Variants in CPED1 observed in about 807,000 individuals in gnomAD.
The protein encoded by CPED1 is cadherin like and PC-esterase domain containing 1.
CPED1 carries 114 observed loss-of-function variants against 128.2 expected under a neutral mutation model. The observed-to-expected ratio is 0.89, with a 90% CI of 0.76 to 1.04. CPED1 has a LOEUF of 1.04. CPED1 is among the 50% of genes least tolerant of loss of function. The probability of loss-of-function intolerance (pLI) is 0.00; values close to 1 mark genes in which losing one functional copy is unlikely to be tolerated. For missense variants in CPED1, 1,211 were observed against 1,207.1 expected (o/e 1.00, Z -0.05); for synonymous variants, 462 against 426.7 (o/e 1.08, Z -1.02).
chr7:120,997,128 T>C (rs1212163622), intron 2 of CPED1, among the ~76,000 whole-genome samples: 1 of 152,252 alleles, frequency 6.6e-6, no homozygotes, highest in Non-Finnish European at 1.5e-5. Context: ...TGATCATTCT[T>C]AAAGCTTTTG....
chr7:121,122,027 T>A (rs1468490237), intron 7 of CPED1, among the ~76,000 whole-genome samples: 1 of 152,194 alleles, frequency 6.6e-6, no homozygotes, highest in African/African-American at 2.4e-5. Context: ...AGTTTATGAT[T>A]TTTTAAAAAT....
At chr7:121,139,762 A>G (rs1037739926) in intron 14 of CPED1, among the ~76,000 whole-genome samples, 10 of 152,090 alleles carry the variant, frequency 6.6e-5, no homozygotes, top group Non-Finnish European at 1.5e-4. Flanking sequence ...GGAAAAAACA[A>G]CAGTTACTAA....
In CPED1 at chr7:121,130,102, A is replaced by G. The variant is rs1795624564; in HGVS notation, c.1408-23A>G. The G allele has an allele frequency of 1.9e-6, 3 of 1,587,344 alleles. No homozygotes were observed. In the East Asian group the frequency reaches 6.7e-5, roughly 36 times the overall value. ...CATTATAATTTGTTTTCCATAACTT[A>G]TACTGATATTTTGTGTTCTCAGCTC... On this transcript the variant is annotated intron_variant, in intron 11 of 22. Coordinates refer to ENST00000310396, the MANE Select transcript of CPED1 (RefSeq NM_024913.5).
chr7:121,160,875 A>G (rs1435633877), intron 16 of CPED1, among the ~76,000 whole-genome samples: 1 of 151,524 alleles, frequency 6.6e-6, no homozygotes, highest in African/African-American at 2.4e-5. Flanking sequence ...GAGCCTCTCA[A>G]TGCTCCAGAC....
intron 2 of CPED1, among the ~76,000 whole-genome samples, chr7:121,010,531 G>A (rs775610828): frequency 1.3e-5 from 2 of 152,170 alleles, no homozygotes; most frequent in Non-Finnish European, 2.9e-5. Flanking sequence ...TTACAGGCGT[G>A]AGCCACCACG....
intron 5 of CPED1, among the ~76,000 whole-genome samples, chr7:121,068,158 C>A (rs1189700187): frequency 3.9e-5 from 6 of 152,184 alleles, no homozygotes; most frequent in Non-Finnish European, 8.8e-5. Context: ...GTTGCCATTG[C>A]TTTTGGTGTT....
At chr7:121,112,437 AAGAC>A (rs1320307762) in intron 7 of CPED1, among the ~76,000 whole-genome samples, 2 of 151,652 alleles carry the variant, frequency 1.3e-5, no homozygotes, top group African/African-American at 2.4e-5. Context: ...TGTGAAGATG[AAGAC>A]AGACAGTAGA....
chr7:121,156,986 A>G (rs1180020724), intron 16 of CPED1, among the ~76,000 whole-genome samples: 1 of 152,206 alleles, frequency 6.6e-6, no homozygotes, highest in Admixed American at 6.6e-5. Context: ...CTTGATATGT[A>G]TTGTCAGTTG....
chr7:121,236,888 G>C (rs758648881), intron 17 of CPED1, 57 bp downstream of exon 17: 12 of 869,428 alleles, frequency 1.4e-5, no homozygotes, highest in Non-Finnish European at 2.1e-5. Flanking sequence ...GTATAGATAA[G>C]TGTATGCTTA....
At chr7:121,227,787 T>C (rs1798050163) in intron 16 of CPED1, among the ~76,000 whole-genome samples, 2 of 152,204 alleles carry the variant, frequency 1.3e-5, no homozygotes, top group Non-Finnish European at 2.9e-5. Flanking sequence ...ATAAATGCTT[T>C]AAAAATACAT....
At chr7:121,144,766 T>C (rs1795984881) in intron 16 of CPED1, among the ~76,000 whole-genome samples, 1 of 152,070 alleles carries the variant, frequency 6.6e-6, no homozygotes, top group African/African-American at 2.4e-5. Flanking sequence ...TTACACATTG[T>C]ATACTTATAT....
At chr7:121,090,176 T>A (rs1794538926) in intron 5 of CPED1, among the ~76,000 whole-genome samples, 1 of 152,174 alleles carries the variant, frequency 6.6e-6, no homozygotes, top group Non-Finnish European at 1.5e-5. Context: ...GGCTTGCGTT[T>A]ACTGAGTGCT....
At chr7:121,255,339 G>A (rs1359647323) in intron 18 of CPED1, among the ~76,000 whole-genome samples, 1 of 151,880 alleles carries the variant, frequency 6.6e-6, no homozygotes, top group Non-Finnish European at 1.5e-5. Flanking sequence ...TATAGAAAAA[G>A]CTTCTTATAA....
chr7:121,103,388 C>T (rs945384135), intron 7 of CPED1, among the ~76,000 whole-genome samples: 8 of 152,142 alleles, frequency 5.3e-5, no homozygotes, highest in East Asian at 3.8e-4. Context: ...TTCAAAGTTA[C>T]GCTTGATGAT....
chr7:121,046,914 T>G lies in CPED1; in HGVS notation c.461T>G (p.Ile154Ser). The G allele has an allele frequency of 1.9e-6, 3 of 1,612,250 alleles. No homozygotes were observed. The highest frequency in any genetic ancestry group is 2.5e-6 in the Non-Finnish European group (3 of 1,178,820). Reference sequence around the variant, plus strand: ...GATCTGGGCTCTTGGGATCTGCTCATTTGCCTGTCTTCTAAGAAAGCAGAA... The same window carrying G: ...GATCTGGGCTCTTGGGATCTGCTCAGTTGCCTGTCTTCTAAGAAAGCAGAA... ...QGDLGSWDLL[I>S]CLSSKKAEGT... The change falls in exon 4 of 23, where the codon ATT (isoleucine) becomes AGT (serine). Residue 154 changes from isoleucine (I) to serine (S), a missense_variant. Physicochemically the swap from Ile to Ser is moderately radical, Grantham distance 142. Transcript: ENST00000310396.
At chr7:121,161,836 A>G (rs184898543) in intron 16 of CPED1, among the ~76,000 whole-genome samples, 1 of 152,330 alleles carries the variant, frequency 6.6e-6, no homozygotes, top group East Asian at 1.9e-4. Context: ...TCCATTAAGA[A>G]AGGGGGTAGG....
intron 4 of CPED1, chr7:121,050,853 G>C (rs1793331445): frequency 6.4e-6 from 3 of 470,182 alleles, no homozygotes; most frequent in Non-Finnish European, 1.3e-5. Context: ...CTTCGCGAAG[G>C]CTCTCGGTAC....
intron 16 of CPED1, among the ~76,000 whole-genome samples, chr7:121,177,174 CT>C (rs1796802125): frequency 6.6e-6 from 1 of 151,992 alleles, no homozygotes; most frequent in African/African-American, 2.4e-5. Context: ...CATTTCTTGT[CT>C]AGTAGTGTGC....
intron 3 of CPED1, among the ~76,000 whole-genome samples, chr7:121,025,561 G>A (rs143754048): frequency 2.9e-4 from 44 of 152,166 alleles, no homozygotes; most frequent in Non-Finnish European, 4.9e-4. Context: ...TGCATGAGCC[G>A]TAGTGGAATA....
Sources: allele counts gnomAD v4.1 joint callset (sites outside exome capture counted in the v4.1 genomes callset), GRCh38; gene constraint gnomAD v4.1.1; transcripts MANE v1.5; gene names NCBI Gene and HGNC (gene_info 2026-07-23, HGNC 2026-07-21).